AMDHD1: variants seen among roughly 807,000 people sequenced by gnomAD.
AMDHD1 encodes the protein probable imidazolonepropionase.
AMDHD1 carries 45 observed loss-of-function variants against 44.1 expected under a neutral mutation model. The ratio of observed to expected loss-of-function variants is 1.02; its 90% CI spans 0.80 to 1.31. AMDHD1 has a LOEUF of 1.31. AMDHD1 is among the 50% of genes most tolerant of loss of function. The probability of loss-of-function intolerance (pLI) is 0.00; values close to 1 mark genes in which losing one functional copy is unlikely to be tolerated. For missense variants in AMDHD1, 586 were observed against 552.1 expected (o/e 1.06, Z -0.61); for synonymous variants, 206 against 205.0 (o/e 1.00, Z -0.04).
At chr12:95,953,362 C>T (rs1307242522) in intron 2 of AMDHD1, among the ~76,000 whole-genome samples, 1 of 152,184 alleles carries the variant, frequency 6.6e-6, no homozygotes, top group Admixed American at 6.5e-5. Context: ...GCTTTCACTG[C>T]AGTTCACTTG....
intron 6 of AMDHD1, among the ~76,000 whole-genome samples, chr12:95,963,692 C>T (rs752873987): frequency 2.0e-5 from 3 of 152,140 alleles, no homozygotes; most frequent in Non-Finnish European, 4.4e-5. Context: ...TTGTCTCCAC[C>T]ACCCAAGAAA....
chr12:95,948,552 G>A lies in AMDHD1; in HGVS notation c.138-4165G>A, dbSNP rs1331201835. ...CGGGAGGGAGGTGGGGGGGGGGTCA[G>A]CCCCCACCGCCCAGCCAGCCGACCC... is the stretch of plus-strand genomic sequence containing the variant. On this transcript the variant is annotated intron_variant, in intron 1 of 8. Transcript: ENST00000266736. 7.3e-5 allele frequency among the ~76,000 whole-genome samples: 6 copies of A among 82,340 alleles called. 3 individuals are homozygous for A. The highest frequency in any genetic ancestry group is 1.5e-4 in the Non-Finnish European group (6 of 41,362). 54.0% of individuals were successfully genotyped at this position (82,340 alleles called of 152,430 possible). A position where few individuals can be genotyped will look rare whatever the true frequency, so the allele number is the denominator to read the frequency against.
chr12:95,955,535 T>C (rs2080545596), intron 3 of AMDHD1, among the ~76,000 whole-genome samples: 1 of 152,238 alleles, frequency 6.6e-6, no homozygotes, highest in African/African-American at 2.4e-5. Context: ...AATTCTTTTC[T>C]TCAGCTATCA....
intron 6 of AMDHD1, among the ~76,000 whole-genome samples, chr12:95,963,987 C>A (rs188997512): frequency 1.4e-5 from 2 of 147,404 alleles, no homozygotes; most frequent in Admixed American, 6.9e-5. Flanking sequence ...CAAGATCATA[C>A]CTCTGCACTT....
At chr12:95,957,712 T>C (rs765192119) in intron 4 of AMDHD1, among the ~76,000 whole-genome samples, 53 of 152,358 alleles carry the variant, frequency 3.5e-4, no homozygotes, top group Non-Finnish European at 6.6e-4. Context: ...ATTTAATTGT[T>C]TAAATTTCTT....
At chr12:95,957,968 G>A (rs1289629101) in intron 4 of AMDHD1, among the ~76,000 whole-genome samples, 1 of 152,124 alleles carries the variant, frequency 6.6e-6, no homozygotes, top group African/African-American at 2.4e-5. Context: ...CACGAGAATC[G>A]CTTAAGCCCG....
intron 6 of AMDHD1, among the ~76,000 whole-genome samples, chr12:95,963,198 C>A (rs938496734): frequency 2.0e-5 from 3 of 152,156 alleles, no homozygotes; most frequent in African/African-American, 7.2e-5. Flanking sequence ...GTAGCTAGGA[C>A]ATGTGGTCTT....
chr12:95,947,712 T>TG (rs1311260981), intron 1 of AMDHD1, among the ~76,000 whole-genome samples: 2 of 42,674 alleles, frequency 4.7e-5, no homozygotes, highest in Non-Finnish European at 7.8e-5. Context: ...GGGAGGGAGA[T>TG]GGGGGGGTCA....
At chr12:95,953,519 T>C (rs1361842402) in intron 2 of AMDHD1, among the ~76,000 whole-genome samples, 1 of 152,096 alleles carries the variant, frequency 6.6e-6, no homozygotes, top group Admixed American at 6.5e-5. Flanking sequence ...TTTTTTTATA[T>C]AAAATTTTTA....
chr12:95,954,381 C>G (rs1352211915), intron 2 of AMDHD1, among the ~76,000 whole-genome samples: 1 of 151,792 alleles, frequency 6.6e-6, no homozygotes, highest in African/African-American at 2.4e-5. Flanking sequence ...ATCGTTTAAG[C>G]CCAGGAGTTC....
At chr12:95,964,084 A>G (rs887351921) in intron 6 of AMDHD1, among the ~76,000 whole-genome samples, 1 of 151,420 alleles carries the variant, frequency 6.6e-6, no homozygotes, top group Non-Finnish European at 1.5e-5. Context: ...ATCTCTTGAC[A>G]TGGAGCAAAA....
rs746321378 is a variant in AMDHD1, at chr12:95,956,827, C to A, written c.452C>A (p.Thr151Lys). 6.2e-7 allele frequency: 1 copy of A among 1,614,202 alleles called. No homozygotes were observed. ...CAGTGCATGATGAGGGCTGGCACCA[C>A]GCTGGTGGAGTGCAAGAGTGGATAT... is the stretch of plus-strand genomic sequence containing the variant. ...RLQCMMRAGT[T>K]LVECKSGYGL... is the part of the protein sequence containing the mutation. Residue 151 changes from threonine to lysine, a missense_variant, in exon 4 of 9, where the codon ACG becomes AAG. Coordinates refer to ENST00000266736, the MANE Select transcript of AMDHD1 (RefSeq NM_152435.3).
intron 6 of AMDHD1, among the ~76,000 whole-genome samples, chr12:95,963,900 G>C (rs924510068): frequency 6.6e-6 from 1 of 151,916 alleles, no homozygotes; most frequent in African/African-American, 2.4e-5. Flanking sequence ...ATGGTGGCGC[G>C]CGCCTGTAGT....
chr12:95,945,800 C>A (rs573315919), intron 1 of AMDHD1, among the ~76,000 whole-genome samples: 5 of 150,842 alleles, frequency 3.3e-5, no homozygotes, highest in African/African-American at 4.9e-5. Context: ...TTTTTCCCAA[C>A]AAGTATATAC....
intron 5 of AMDHD1, among the ~76,000 whole-genome samples, chr12:95,960,969 G>A (rs891470708): frequency 6.6e-6 from 1 of 151,992 alleles, no homozygotes; most frequent in Non-Finnish European, 1.5e-5. Flanking sequence ...GGCTAACACG[G>A]TGAAACCCCA....
rs1424755384 is a variant in AMDHD1 at position 95,948,510 on chromosome 12, C to G, written c.138-4207C>G. Among the ~76,000 whole-genome samples, 5 of 78,520 alleles carry G rather than the reference C, an allele frequency of 6.4e-5. 1 individual carries two copies. The highest frequency in any genetic ancestry group is 1.3e-4 in the Non-Finnish European group (5 of 39,844). 51.5% of individuals were successfully genotyped at this position (78,520 alleles called of 152,430 possible). On this transcript the variant is annotated intron_variant, in intron 1 of 8. Coordinates refer to ENST00000266736, the MANE Select transcript of AMDHD1 (RefSeq NM_152435.3). ...GAGGTGGGGGTGTCAGCCCCCCGCC[C>G]GGCCAGCTGCCCCGTCCGGGAGGGA... is the stretch of plus-strand genomic sequence containing the variant.
intron 1 of AMDHD1, among the ~76,000 whole-genome samples, chr12:95,952,463 A>G (rs2080529481): frequency 6.6e-6 from 1 of 152,244 alleles, no homozygotes; most frequent in African/African-American, 2.4e-5. Context: ...ATAGTTCTGT[A>G]GTATAATTTG....
At position 95,952,736 on chromosome 12, in the gene AMDHD1, A is replaced by G. The variant is rs766753928; in HGVS notation, c.157A>G (p.Ile53Val). ...VVGKDGFIKAIGPADVIQRQF... is the reference protein window; with the variant it reads ...VVGKDGFIKAVGPADVIQRQF... ...CTTCAGAGATGGATTTATAAAAGCT[A>G]TTGGTCCTGCTGATGTTATTCAAAG... Residue 53 changes from isoleucine to valine, a missense_variant, in exon 2 of 9, where the codon ATT becomes GTT. By Grantham distance (29) the Ile-to-Val change is conservative. Transcript: ENST00000266736. 13 of 1,610,192 alleles carry G rather than the reference A, an allele frequency of 8.1e-6. No homozygotes were observed. The highest frequency in any genetic ancestry group is 1.3e-5 in the African/African-American group (1 of 74,864).
In AMDHD1 at chr12:95,943,459, C is replaced by A; in HGVS notation, c.61C>A (p.Arg21Ser). ...NAQQVVLVCARGERFLARDAL... is the reference protein window; with the variant it reads ...NAQQVVLVCASGERFLARDAL... ...GCAGCAAGTGGTGCTGGTGTGCGCC[C>A]GCGGCGAGCGCTTCCTGGCGCGGGA... The change falls in exon 1 of 9, where the codon CGC (arginine) becomes AGC (serine). Residue 21 changes from arginine (R) to serine (S), a missense_variant. By Grantham distance (110) the Arg-to-Ser change is moderately radical (BLOSUM62 -1). Coordinates refer to ENST00000266736, the MANE Select transcript of AMDHD1 (RefSeq NM_152435.3). 6.6e-7 allele frequency: 1 copy of A among 1,503,820 alleles called. No homozygotes were observed. The highest frequency in any genetic ancestry group is 8.8e-7 in the Non-Finnish European group (1 of 1,131,224). The allele number at this position is 1,503,820 out of a possible 1,614,324, so 93.2% of individuals were successfully genotyped here.
Sources: allele counts gnomAD v4.1 joint callset (sites outside exome capture counted in the v4.1 genomes callset), GRCh38; gene constraint gnomAD v4.1.1; transcripts MANE v1.5; gene names NCBI Gene and HGNC (gene_info 2026-07-23, HGNC 2026-07-21).